Variants in USP26 observed in about 807,000 individuals in gnomAD.
USP26 encodes the protein ubiquitin specific peptidase 26, also known as ubiquitin carboxyl-terminal hydrolase 26.
For missense variants in USP26, 649 were observed against 642.3 expected (o/e 1.01, Z -0.11); for synonymous variants, 236 against 240.6 (o/e 0.98, Z 0.18).
chrX:133,041,011 C>T (rs751896864), intron 5 of USP26, among the ~76,000 whole-genome samples: 3 of 109,787 alleles, frequency 2.7e-5, no homozygotes, highest in African/African-American at 9.9e-5. Flanking sequence ...TTATGCTTCA[C>T]GAAGTTCTGC....
At chrX:133,073,487 C>T (rs1433688072) in intron 5 of USP26, among the ~76,000 whole-genome samples, 2 of 111,042 alleles carry the variant, frequency 1.8e-5, no homozygotes, top group Non-Finnish European at 3.8e-5. Context: ...CACTTGAATG[C>T]TGATATAAAG....
intron 5 of USP26, among the ~76,000 whole-genome samples, chrX:133,041,525 T>C (rs1433834065): frequency 8.9e-6 from 1 of 111,901 alleles, no homozygotes; most frequent in East Asian, 2.8e-4. Context: ...CCAGTGGAGG[T>C]TGCAGAACAG....
At chrX:133,085,141 C>A (rs2067584434) in intron 4 of USP26, among the ~76,000 whole-genome samples, 1 of 111,806 alleles carries the variant, frequency 8.9e-6, no homozygotes. Context: ...GTTGGCCAGG[C>A]TGGTCTTGAA....
chrX:133,049,409 C>G (rs2067451567), intron 5 of USP26, among the ~76,000 whole-genome samples: 2 of 112,243 alleles, frequency 1.8e-5, no homozygotes, highest in East Asian at 2.8e-4. Context: ...GAACTCAGAT[C>G]AGATTCTCCA....
At chrX:133,036,672 A>G in intron 5 of USP26, among the ~76,000 whole-genome samples, 1 of 112,449 alleles carries the variant, frequency 8.9e-6, no homozygotes. Context: ...AGAATGATTT[A>G]TAATTCTTTG....
At chrX:133,051,978 T>TTC (rs1434115884) in intron 5 of USP26, among the ~76,000 whole-genome samples, 1 of 112,198 alleles carries the variant, frequency 8.9e-6, no homozygotes, top group Non-Finnish European at 1.9e-5. Flanking sequence ...CTAACTGATG[T>TTC]TCTGTTTAAG....
chrX:133,061,907 T>C (rs2067495347), intron 5 of USP26, among the ~76,000 whole-genome samples: 1 of 111,389 alleles, frequency 9.0e-6, no homozygotes, highest in African/African-American at 3.3e-5. Context: ...CCCTCACCAG[T>C]GGTGCCTGGA....
intron 5 of USP26, among the ~76,000 whole-genome samples, chrX:133,054,615 G>A (rs943800891): frequency 3.8e-4 from 42 of 111,458 alleles, no homozygotes; most frequent in Admixed American, 7.7e-4. Context: ...CCAAGCTTCT[G>A]ATGTACTTTT....
chrX:133,063,980 G>A (rs1351669708), intron 5 of USP26, among the ~76,000 whole-genome samples: 1 of 112,051 alleles, frequency 8.9e-6, no homozygotes, highest in Non-Finnish European at 1.9e-5. Context: ...GTAATCAGAA[G>A]ACCTATCTTA....
rs769121721 is a variant in USP26 at position 133,027,154 on chromosome X, A to G, written c.1067T>C (p.Ile356Thr). The G allele has an allele frequency of 2.5e-6, 3 of 1,210,594 alleles. No individual in the cohort carries two copies. The South Asian group carries it at 5.3e-5, about 21-fold the overall frequency. Residue 356 changes from isoleucine to threonine, a missense_variant, in exon 6 of 6, where the codon ATC becomes ACC. Coordinates refer to ENST00000511190, the MANE Select transcript of USP26 (RefSeq NM_031907.3). ...LFFKDTYNIE[I>T]KEMLLLNLKK... The stretch of plus-strand genomic sequence containing the variant: ...AAGATTCAAGAGTAACATCTCCTTG[A>G]TTTCTATATTATAGGTATCTTTAAA...
chrX:133,066,301 A>G (rs1439689903), intron 5 of USP26, among the ~76,000 whole-genome samples: 1 of 111,834 alleles, frequency 8.9e-6, no homozygotes, highest in Non-Finnish European at 1.9e-5. Context: ...ATACCACCCA[A>G]AGTAATTTAT....
intron 5 of USP26, among the ~76,000 whole-genome samples, chrX:133,061,406 C>T (rs558770800): frequency 1.8e-5 from 2 of 112,513 alleles, no homozygotes; most frequent in African/African-American, 3.2e-5. Context: ...CATGCTGACA[C>T]GCCCCCATCT....
chrX:133,060,589 T>C (rs955044684), intron 5 of USP26, among the ~76,000 whole-genome samples: 1 of 111,508 alleles, frequency 9.0e-6, no homozygotes, highest in South Asian at 3.7e-4. Flanking sequence ...AAAATATCTA[T>C]TTAAAATAAA....
chrX:133,070,164 G>T (rs1364049672), intron 5 of USP26, among the ~76,000 whole-genome samples: 1 of 111,826 alleles, frequency 8.9e-6, no homozygotes, highest in Non-Finnish European at 1.9e-5. Context: ...ATAGCCAGAA[G>T]AATTTAAAAC....
intron 5 of USP26, among the ~76,000 whole-genome samples, chrX:133,079,982 A>T (rs1231817106): frequency 1.8e-5 from 2 of 111,736 alleles, no homozygotes; most frequent in African/African-American, 6.5e-5. Flanking sequence ...CTAAGGCCAC[A>T]TGGCAGAAAA....
chrX:133,063,941 G>C (rs1245562355), intron 5 of USP26, among the ~76,000 whole-genome samples: 3 of 111,992 alleles, frequency 2.7e-5, no homozygotes, highest in Non-Finnish European at 5.6e-5. Flanking sequence ...TGGCAAACTG[G>C]ATAAAGAATA....
intron 1 of USP26, among the ~76,000 whole-genome samples, chrX:133,096,331 T>C (rs946920700): frequency 3.6e-5 from 4 of 110,572 alleles, no homozygotes; most frequent in Non-Finnish European, 7.6e-5. Flanking sequence ...AAATGCAAAA[T>C]AGCGAATGAC....
intron 5 of USP26, among the ~76,000 whole-genome samples, chrX:133,043,748 A>G (rs1257190001): frequency 8.9e-6 from 1 of 111,741 alleles, no homozygotes; most frequent in Non-Finnish European, 1.9e-5. Context: ...TCTACGAAAA[A>G]TAGAAAAAAA....
chrX:133,087,382 GT>G (rs2067593350), intron 4 of USP26, among the ~76,000 whole-genome samples: 1 of 112,319 alleles, frequency 8.9e-6, no homozygotes, highest in South Asian at 3.6e-4. Flanking sequence ...ATTCTATGCA[GT>G]TTGATTGCCA....
Sources: allele counts gnomAD v4.1 joint callset (sites outside exome capture counted in the v4.1 genomes callset), GRCh38; gene constraint gnomAD v4.1.1; transcripts MANE v1.5; gene names NCBI Gene and HGNC (gene_info 2026-07-23, HGNC 2026-07-21).